Variants in ARHGEF26 observed in about 807,000 individuals in gnomAD.
ARHGEF26 encodes the protein Rho guanine nucleotide exchange factor (GEF) 26.
ARHGEF26 carries 59 observed loss-of-function variants against 89.4 expected under a neutral mutation model. The observed-to-expected ratio is 0.66, with a 90% CI of 0.54 to 0.82. The LOEUF (loss-of-function observed/expected upper bound fraction) is 0.82. Among genes scored for constraint, ARHGEF26 ranks in the 40% least tolerant of loss-of-function variants. The pLI is 0.00. For synonymous variants in ARHGEF26, 500 were observed against 428.4 expected (o/e 1.17, Z -2.06); for missense variants, 1,234 against 1,085.6 (o/e 1.14, Z -1.92).
At chr3:154,167,358 A>C (rs1432752732) in intron 6 of ARHGEF26, among the ~76,000 whole-genome samples, 1 of 152,156 alleles carries the variant, frequency 6.6e-6, no homozygotes, top group Non-Finnish European at 1.5e-5. Context: ...GTATTCCTTA[A>C]AGTAGGACCT....
At chr3:154,249,383 G>A (rs1717985215) in intron 12 of ARHGEF26, among the ~76,000 whole-genome samples, 1 of 152,320 alleles carries the variant, frequency 6.6e-6, no homozygotes, top group South Asian at 2.1e-4. Context: ...GACAGGACAA[G>A]GTGCTACCAT....
chr3:154,171,931 C>T (rs989081763), intron 6 of ARHGEF26, among the ~76,000 whole-genome samples: 2 of 152,028 alleles, frequency 1.3e-5, no homozygotes, highest in African/African-American at 2.4e-5. Context: ...AAGGAAACCC[C>T]GGATTATGTG....
chr3:154,173,110 A>G (rs1712554767), intron 6 of ARHGEF26, among the ~76,000 whole-genome samples: 1 of 152,186 alleles, frequency 6.6e-6, no homozygotes, highest in Admixed American at 6.5e-5. Flanking sequence ...AGTACTATTA[A>G]TACCATTTCA....
chr3:154,245,035 TTTATTTTA>T (rs1433362150), intron 12 of ARHGEF26, among the ~76,000 whole-genome samples: 1 of 152,156 alleles, frequency 6.6e-6, no homozygotes, highest in Non-Finnish European at 1.5e-5. Flanking sequence ...TATTTTTTAT[TTTATTTTA>T]TTAAGACAGA....
In ARHGEF26 at chr3:154,223,983, AAAATG is replaced by A. The variant is rs566429265; in HGVS notation, c.1936-1867_1936-1863del. The stretch of plus-strand genomic sequence containing the variant: ...TAGGATGCCAGGTAATAGAAAAAAA[AAAATG>A]AAATGTCTGTGCTCCATAGGCACAG... On this transcript the variant is annotated intron_variant, in intron 10 of 14. Coordinates refer to ENST00000465093, the MANE Select transcript of ARHGEF26 (RefSeq NM_015595.4). Among the ~76,000 whole-genome samples the A allele has an allele frequency of 8.5e-5, 13 of 152,312 alleles. No individual in the cohort carries two copies. The South Asian group carries it at 2.5e-3, about 29-fold the overall frequency.
At position 154,202,147 on chromosome 3, in the gene ARHGEF26, T is replaced by G. The variant is rs986312907; in HGVS notation, c.1845+7429T>G. Among the ~76,000 whole-genome samples the G allele has an allele frequency of 1.1e-4, 17 of 152,304 alleles. No individual in the cohort carries two copies. In the South Asian group the frequency reaches 2.3e-3, roughly 20 times the overall value. Reference sequence around the variant, plus strand: ...GTTTTTATGGTTTTAGGTCTAACATTTAAGTCTTTAATCCATCTTGAATTA... The same window carrying G: ...GTTTTTATGGTTTTAGGTCTAACATGTAAGTCTTTAATCCATCTTGAATTA... On this transcript the variant is annotated intron_variant, in intron 9 of 14. Coordinates refer to ENST00000465093, the MANE Select transcript of ARHGEF26 (RefSeq NM_015595.4).
Position 154,231,771 on chromosome 3 carries a change from G to A in ARHGEF26, c.2090+5761G>A, listed in dbSNP as rs149538282. On this transcript the variant is annotated intron_variant, in intron 11 of 14. Coordinates refer to ENST00000465093, the MANE Select transcript of ARHGEF26 (RefSeq NM_015595.4). The stretch of plus-strand genomic sequence containing the variant: ...GAACATGAGCAGTTTAGGAATAAAT[G>A]CCTTTAACTCTATGCCTTTCCCTCC... 4.0e-3 allele frequency among the ~76,000 whole-genome samples: 613 copies of A among 152,232 alleles called. 2 individuals carry two copies. Among genetic ancestry groups the A allele is most frequent in the African/African-American group, 0.014 (577 of 41,550 alleles).
At chr3:154,185,908 A>C (rs1411445455) in intron 6 of ARHGEF26, among the ~76,000 whole-genome samples, 1 of 152,164 alleles carries the variant, frequency 6.6e-6, no homozygotes, top group African/African-American at 2.4e-5. Flanking sequence ...GCTGTGTTCC[A>C]AGGACCAGGG....
intron 6 of ARHGEF26, among the ~76,000 whole-genome samples, chr3:154,186,606 A>G (rs987522168): frequency 6.6e-6 from 1 of 151,888 alleles, no homozygotes; most frequent in Non-Finnish European, 1.5e-5. Context: ...ACTAAAAAAC[A>G]TAAAAATTAG....
At position 154,253,951 on chromosome 3, in the gene ARHGEF26, G is replaced by A. The variant is rs151178686; in HGVS notation, c.2368+768G>A. 6.8e-3 allele frequency among the ~76,000 whole-genome samples: 1,034 copies of A among 152,206 alleles called. 14 individuals carry two copies. Among genetic ancestry groups the A allele is most frequent in the African/African-American group, 0.023 (946 of 41,538 alleles). ...TCACATGTCAGCATTTTGTTTGTTT[G>A]TTTTGAGATGGAGTCTCGCTCTGGT... On this transcript the variant is annotated intron_variant, in intron 13 of 14. Coordinates refer to ENST00000465093, the MANE Select transcript of ARHGEF26 (RefSeq NM_015595.4).
At chr3:154,214,803 T>C (rs1715613682) in intron 9 of ARHGEF26, among the ~76,000 whole-genome samples, 1 of 152,048 alleles carries the variant, frequency 6.6e-6, no homozygotes, top group South Asian at 2.1e-4. Context: ...GGTATTGCAG[T>C]TTCAGGTTGC....
intron 10 of ARHGEF26, 82 bp from the exon 11 acceptor site, chr3:154,225,774 A>G (rs1716446808): frequency 7.0e-7 from 1 of 1,421,132 alleles, no homozygotes; most frequent in East Asian, 2.3e-5. Flanking sequence ...ATTTGTTTGA[A>G]TGTACGTTTT....
At chr3:154,235,112 G>A (rs116190293) in intron 11 of ARHGEF26, among the ~76,000 whole-genome samples, 4 of 149,714 alleles carry the variant, frequency 2.7e-5, no homozygotes, top group Admixed American at 2.0e-4. Flanking sequence ...TTTTTTTTCC[G>A]TGTTTTACAA....
At chr3:154,207,418 C>G (rs1023700081) in intron 9 of ARHGEF26, among the ~76,000 whole-genome samples, 1 of 152,002 alleles carries the variant, frequency 6.6e-6, no homozygotes, top group Non-Finnish European at 1.5e-5. Flanking sequence ...AAAAGAATAA[C>G]TCTTTTAAAA....
intron 6 of ARHGEF26, among the ~76,000 whole-genome samples, chr3:154,180,784 T>C (rs963840924): frequency 6.6e-5 from 10 of 151,782 alleles, no homozygotes; most frequent in East Asian, 2.0e-4. Flanking sequence ...AGAAGACATA[T>C]AGTCTGCTGA....
At chr3:154,137,908 A>G (rs1016944188) in intron 4 of ARHGEF26, among the ~76,000 whole-genome samples, 1 of 152,088 alleles carries the variant, frequency 6.6e-6, no homozygotes, top group African/African-American at 2.4e-5. Flanking sequence ...CCCAGTCTCT[A>G]TCCCCTTCTC....
chr3:154,123,112 A>G (rs753701780), intron 2 of ARHGEF26, 37 bp downstream of exon 2: 1 of 1,608,132 alleles, frequency 6.2e-7, no homozygotes, highest in East Asian at 2.2e-5. Context: ...CCATTCACTA[A>G]GCGGAAAGTA....
intron 10 of ARHGEF26, among the ~76,000 whole-genome samples, chr3:154,223,193 G>A (rs1321378711): frequency 6.6e-6 from 1 of 152,148 alleles, no homozygotes; most frequent in African/African-American, 2.4e-5. Context: ...TGGAGTGGTG[G>A]TATGTTAGTT....
At chr3:154,244,508 G>A (rs1717678722) in intron 12 of ARHGEF26, among the ~76,000 whole-genome samples, 1 of 152,122 alleles carries the variant, frequency 6.6e-6, no homozygotes, top group African/African-American at 2.4e-5. Context: ...AGCATATAGG[G>A]AAGTGATCAG....
Sources: allele counts gnomAD v4.1 joint callset (sites outside exome capture counted in the v4.1 genomes callset), GRCh38; gene constraint gnomAD v4.1.1; transcripts MANE v1.5; gene names NCBI Gene and HGNC (gene_info 2026-07-23, HGNC 2026-07-21).